Variants in SCN9A observed in about 807,000 individuals in gnomAD.
SCN9A encodes sodium channel protein type 9 subunit alpha.
Under a neutral mutation model 187.0 loss-of-function variants are expected in SCN9A, and 131 were observed. That is an observed-to-expected ratio of 0.70 (90% CI 0.61 to 0.81). The LOEUF (loss-of-function observed/expected upper bound fraction) is 0.81, where lower values mean the gene tolerates loss of function less well. Among genes scored for constraint, SCN9A ranks in the 30% least tolerant of loss-of-function variants. The probability of loss-of-function intolerance (pLI) is 0.00; values close to 1 mark genes in which losing one functional copy is unlikely to be tolerated. For missense variants in SCN9A, 2,252 were observed against 2,396.6 expected (o/e 0.94, Z 1.26); for synonymous variants, 809 against 808.6 (o/e 1.00, Z -0.01).
At position 166,228,661 on chromosome 2, in the gene SCN9A, T is replaced by C. The variant is rs201715282; in HGVS notation, c.4206+30A>G. The C allele has an allele frequency of 2.6e-6, 4 of 1,548,284 alleles. No individual in the cohort carries two copies. The Admixed American group carries it at 7.2e-5, about 28-fold the overall frequency. The stretch of plus-strand genomic sequence containing the variant: ...ATCCTTCGTCCAATATCTATTAAAA[T>C]ACCAAGCACTCATGAAATGGGACAC... On this transcript the variant is annotated intron_variant, in intron 22 of 26. Transcript: ENST00000642356.
intron 18 of SCN9A, among the ~76,000 whole-genome samples, chr2:166,247,033 T>G: frequency 6.6e-6 from 1 of 151,400 alleles, no homozygotes; most frequent in South Asian, 2.1e-4. Flanking sequence ...ACAGAGAATC[T>G]CTCAAACATT....
chr2:166,237,254 G>T (rs536626180), intron 20 of SCN9A, among the ~76,000 whole-genome samples: 1 of 151,424 alleles, frequency 6.6e-6, no homozygotes, highest in South Asian at 2.1e-4. Flanking sequence ...GTATTGTACC[G>T]TTAGTTTCTA....
At chr2:166,239,283 G>A (rs917013343) in intron 19 of SCN9A, among the ~76,000 whole-genome samples, 21 of 150,388 alleles carry the variant, frequency 1.4e-4, no homozygotes, top group Non-Finnish European at 2.5e-4. Context: ...ATCTCAACAG[G>A]TCTAAAGTGT....
chr2:166,242,507 C>A lies in SCN9A; in HGVS notation c.3622G>T (p.Ala1208Ser). The A allele has an allele frequency of 6.3e-7, 1 of 1,588,336 alleles. No individual in the cohort carries two copies. Residue 1208 changes from alanine (A) to serine (S), a missense_variant, in exon 19 of 27, where the codon GCC (alanine) becomes TCC (serine). Physicochemically the swap from Ala to Ser is moderately conservative, Grantham distance 99. Coordinates refer to ENST00000642356, the MANE Select transcript of SCN9A (RefSeq NM_001365536.1). ...IVLMILLSSG[A>S]LAFEDIYIER... ...TTAGGTGTCAGATCATTTACCAGGG[C>A]ACCACTGCTGAGCAGGATCATGAGG...
In SCN9A at chr2:166,197,994, T is replaced by A. The variant is rs966371766; in HGVS notation, c.*678A>T. On this transcript the variant is annotated 3_prime_UTR_variant, in exon 27 of 27. Coordinates refer to ENST00000642356, the MANE Select transcript of SCN9A (RefSeq NM_001365536.1). ...AAACACAATACTCTAAAGGTAAGTC[T>A]TATCCTTGTTGGCATGTGAGTCAAG... 1 of 152,190 alleles carries A rather than the reference T, an allele frequency of 6.6e-6. No individual in the cohort carries two copies. Among genetic ancestry groups the A allele is most frequent in the Non-Finnish European group, 1.5e-5 (1 of 68,034 alleles). 9.4% of individuals were successfully genotyped at this position (152,190 alleles called of 1,614,324 possible).
At chr2:166,366,786 A>G (rs931022184) in intron 1 of SCN9A, among the ~76,000 whole-genome samples, 2 of 152,236 alleles carry the variant, frequency 1.3e-5, no homozygotes, top group African/African-American at 4.8e-5. Flanking sequence ...ATTGAGACGT[A>G]TCATAGAACT....
intron 26 of SCN9A, among the ~76,000 whole-genome samples, chr2:166,201,507 C>T (rs574943299): frequency 0.011 from 826 of 77,884 alleles, 216 homozygotes; most frequent in African/African-American, 0.04. Flanking sequence ...ATAGAGTATG[C>T]GTATACTATA....
In SCN9A at chr2:166,272,653, T is replaced by C. The variant is rs1390200108; in HGVS notation, c.3097A>G (p.Lys1033Glu). The change falls in exon 17 of 27, where the codon AAG becomes GAG. Residue 1033 changes from lysine (K) to glutamate (E), a missense_variant. Around this residue, in one of 7 missense-constraint regions of SCN9A, gnomAD observed 313 missense variants for 295.3 expected, o/e 1.06. Transcript: ENST00000642356. ...EIRQAEDLNT[K>E]KENYISNHTL... ...TGGTTAGAAATATAGTTTTCCTTCT[T>C]AGTATTCAGATCTTCTGCTTGTCTT... The C allele has an allele frequency of 6.2e-7, 1 of 1,612,938 alleles. No individual in the cohort carries two copies. The highest frequency in any genetic ancestry group is 1.1e-5 in the South Asian group (1 of 90,992).
At chr2:166,329,693 G>T (rs1173232593) in intron 1 of SCN9A, among the ~76,000 whole-genome samples, 1 of 152,098 alleles carries the variant, frequency 6.6e-6, no homozygotes, top group African/African-American at 2.4e-5. Flanking sequence ...GTCTGTTGGG[G>T]AAAACCAGCA....
intron 1 of SCN9A, among the ~76,000 whole-genome samples, chr2:166,373,844 T>C (rs1700621742): frequency 6.6e-6 from 1 of 152,214 alleles, no homozygotes; most frequent in Admixed American, 6.5e-5. Context: ...CTTCACACTC[T>C]TTTGCATAAC....
At chr2:166,371,249 T>C (rs1559069788) in intron 1 of SCN9A, among the ~76,000 whole-genome samples, 1 of 152,256 alleles carries the variant, frequency 6.6e-6, no homozygotes, top group Non-Finnish European at 1.5e-5. Context: ...CGGTTTTCTC[T>C]ATAGAACTAA....
intron 1 of SCN9A, among the ~76,000 whole-genome samples, chr2:166,362,510 A>G (rs1414655325): frequency 1.3e-5 from 2 of 151,988 alleles, no homozygotes; most frequent in Admixed American, 1.3e-4. Context: ...TTGGGGCAGA[A>G]TTTTCAGAAC....
chr2:166,199,352 A>C lies in SCN9A; in HGVS notation c.5287T>G (p.Phe1763Val). The C allele has an allele frequency of 6.2e-7, 1 of 1,614,194 alleles. No individual in the cohort carries two copies. Among genetic ancestry groups the C allele is most frequent in the Non-Finnish European group, 8.5e-7 (1 of 1,180,034 alleles). The stretch of plus-strand genomic sequence containing the variant: ...GTACTTTCTTCAGTGGCAACACTAA[A>C]ATTCTCCAGTATGACTGCAATGTAC... ...NMYIAVILENFSVATEESTEP... is the reference protein window; with the variant it reads ...NMYIAVILENVSVATEESTEP... The change falls in exon 27 of 27, where the codon TTT becomes GTT. Residue 1763 changes from phenylalanine to valine, a missense_variant. Transcript: ENST00000642356.
At chr2:166,215,172 A>G (rs1340035349) in intron 24 of SCN9A, among the ~76,000 whole-genome samples, 2 of 152,206 alleles carry the variant, frequency 1.3e-5, no homozygotes, top group African/African-American at 4.8e-5. Flanking sequence ...TTACGTGGAA[A>G]TTAAACAACA....
At chr2:166,308,358 G>A (rs1698824705) in intron 2 of SCN9A, among the ~76,000 whole-genome samples, 1 of 152,088 alleles carries the variant, frequency 6.6e-6, no homozygotes, top group Non-Finnish European at 1.5e-5. Context: ...GGTGGTAAGT[G>A]ATTGGATCAT....
intron 22 of SCN9A, among the ~76,000 whole-genome samples, chr2:166,228,142 G>T (rs772522172): frequency 6.6e-6 from 1 of 151,876 alleles, no homozygotes; most frequent in Non-Finnish European, 1.5e-5. Context: ...GGTGCAAGAT[G>T]GGAGTCCACA....
rs926046364 is a variant in SCN9A at position 166,211,068 on chromosome 2, AAAAG to A, written c.4399-6608_4399-6605del. On this transcript the variant is annotated intron_variant, in intron 24 of 26. Coordinates refer to ENST00000642356, the MANE Select transcript of SCN9A (RefSeq NM_001365536.1). ...CACGGTGAAACTCTATCTCGGAAAA[AAAAG>A]AAAGAAAGTCTCCACTAGAGACATA... is the stretch of plus-strand genomic sequence containing the variant. 5.6e-4 allele frequency among the ~76,000 whole-genome samples: 17 copies of A among 30,452 alleles called. No homozygotes were observed. In the East Asian group the frequency reaches 0.029, roughly 53 times the overall value. 20.0% of individuals were successfully genotyped at this position (30,452 alleles called of 152,430 possible).
At chr2:166,211,707 TTAAAG>T (rs1278871792) in intron 24 of SCN9A, among the ~76,000 whole-genome samples, 1 of 149,306 alleles carries the variant, frequency 6.7e-6, no homozygotes, top group Non-Finnish European at 1.5e-5. Context: ...TGTTATCAGC[TTAAAG>T]TAGACTATTA....
intron 1 of SCN9A, among the ~76,000 whole-genome samples, chr2:166,358,752 T>C (rs1003074209): frequency 3.9e-5 from 6 of 152,182 alleles, no homozygotes; most frequent in African/African-American, 1.2e-4. Context: ...TTCATAAGTG[T>C]GATGACTGGG....
Sources: allele counts gnomAD v4.1 joint callset (sites outside exome capture counted in the v4.1 genomes callset), GRCh38; gene constraint gnomAD v4.1.1; regional missense constraint gnomAD v4.1.1; transcripts MANE v1.5; gene names NCBI Gene and HGNC (gene_info 2026-07-23, HGNC 2026-07-21).